ACAD10: variants seen among roughly 807,000 people sequenced by gnomAD.
The protein encoded by ACAD10 is acyl-CoA dehydrogenase family member 10, also known as ACAD-10.
In ACAD10, 112 loss-of-function variants were observed where a neutral mutation model predicts 116.8. The observed-to-expected ratio is 0.96, with a 90% CI of 0.82 to 1.12. ACAD10 has a LOEUF of 1.12. Among genes scored for constraint, ACAD10 ranks in the 50% most tolerant of loss-of-function variants. The pLI is 0.00. For synonymous variants in ACAD10, 486 were observed against 510.6 expected, an observed-to-expected ratio of 0.95 and a Z score of 0.65; for missense variants, 1,259 against 1,350.2, an observed-to-expected ratio of 0.93 and a Z score of 1.06.
chr12:111,698,386 G>A (rs781578474), intron 2 of ACAD10, among the ~76,000 whole-genome samples: 24 of 136,820 alleles, frequency 1.8e-4, no homozygotes, highest in East Asian at 1.3e-3. Context: ...TGATTCTCCC[G>A]CCTCCTGAGT....
intron 6 of ACAD10, 182 bp from the exon 7 acceptor site, chr12:111,715,639 G>T: frequency 1.5e-6 from 1 of 667,450 alleles, no homozygotes. Flanking sequence ...GACCTGAGTT[G>T]GCGGAGTGTA....
At chr12:111,748,170 G>A in intron 16 of ACAD10, 147 bp from the exon 17 acceptor site, 1 of 987,282 alleles carries the variant, frequency 1.0e-6, no homozygotes, top group Non-Finnish European at 1.5e-6. Context: ...CTGGTCAGCA[G>A]TCTGCAGATG....
Position 111,729,945 on chromosome 12 carries a change from C to T in ACAD10, c.1383C>T (p.His461=), listed in dbSNP as rs370489200. The change falls in exon 10 of 21, where the codon CAC becomes CAT. Residue 461 remains histidine, a synonymous_variant. Transcript: ENST00000313698. ...LPRQQRTTVV[H]GDFRLDNLVF... ...GTCAGCAGAGGACCACAGTGGTGCACGGGGACTTCAGGTAGATGTGGTGGC... is the reference window on the plus strand; with the variant it reads ...GTCAGCAGAGGACCACAGTGGTGCATGGGGACTTCAGGTAGATGTGGTGGC... 1.3e-4 allele frequency: 205 copies of T among 1,613,656 alleles called. No individual in the cohort carries two copies. The highest frequency in any genetic ancestry group is 3.7e-4 in the Admixed American group (22 of 59,944).
intron 12 of ACAD10, among the ~76,000 whole-genome samples, chr12:111,740,764 C>A (rs1205273473): frequency 8.7e-6 from 1 of 114,736 alleles, no homozygotes; most frequent in Non-Finnish European, 1.6e-5. Flanking sequence ...AGCCTGGTGA[C>A]AGAGCGAGAC....
intron 15 of ACAD10, 22 bp from the exon 16 acceptor site, chr12:111,747,273 C>G (rs903296373): frequency 1.9e-6 from 3 of 1,613,986 alleles, no homozygotes; most frequent in Non-Finnish European, 2.5e-6. Flanking sequence ...GCGTCTCTGA[C>G]TGGAATATGC....
intron 2 of ACAD10, among the ~76,000 whole-genome samples, chr12:111,697,043 T>G (rs1888207360): frequency 6.7e-6 from 1 of 149,796 alleles, no homozygotes; most frequent in Non-Finnish European, 1.5e-5. Context: ...ATGGCACCAC[T>G]GCACTCCAAC....
chr12:111,715,461 G>C (rs777102573), intron 6 of ACAD10: 5 of 253,698 alleles, frequency 2.0e-5, no homozygotes, highest in Non-Finnish European at 3.1e-5. Flanking sequence ...CATTTGGCAA[G>C]ATGGGTTGCC....
intron 1 of ACAD10, chr12:111,690,339 T>G (rs1271592013): frequency 6.6e-6 from 1 of 152,198 alleles, no homozygotes; most frequent in Non-Finnish European, 1.5e-5. Context: ...TTATACAATA[T>G]TTTAAATAAT....
chr12:111,756,937 C>T lies in ACAD10; in HGVS notation c.*464C>T. The T allele has an allele frequency of 2.2e-6, 1 of 452,830 alleles. No homozygotes were observed. Among genetic ancestry groups the T allele is most frequent in the Non-Finnish European group, 4.4e-6 (1 of 224,892 alleles). The allele number at this position is 452,830 out of a possible 1,614,324, so 28.1% of individuals were successfully genotyped here. A position where few individuals can be genotyped will look rare whatever the true frequency, so the allele number is the denominator to read the frequency against. On this transcript the variant is annotated 3_prime_UTR_variant, in exon 21 of 21. Coordinates refer to ENST00000313698, the MANE Select transcript of ACAD10 (RefSeq NM_025247.6). ...GCCACGGCGGGCGGTGGCCTAGAGA[C>T]CCAGGACCTGGGCGCCTGGGAAAAT...
At chr12:111,709,979 A>T in intron 5 of ACAD10, 1 of 369,426 alleles carries the variant, frequency 2.7e-6, no homozygotes, top group South Asian at 2.6e-5. Context: ...TGATCCAGTG[A>T]TGCTGCCTTA....
At chr12:111,740,287 C>T (rs1051640000) in intron 12 of ACAD10, among the ~76,000 whole-genome samples, 3 of 152,074 alleles carry the variant, frequency 2.0e-5, no homozygotes, top group African/African-American at 7.2e-5. Context: ...CATGGTGAAA[C>T]CCCGTCTCCA....
At chr12:111,753,404 C>T (rs974350624) in intron 18 of ACAD10, 49 of 441,922 alleles carry the variant, frequency 1.1e-4, no homozygotes, top group Admixed American at 1.7e-4. Context: ...CAGTCACTCC[C>T]TCATTCCCAG....
intron 18 of ACAD10, among the ~76,000 whole-genome samples, chr12:111,750,025 G>C (rs1264705270): frequency 6.6e-6 from 1 of 150,976 alleles, no homozygotes; most frequent in African/African-American, 2.4e-5. Flanking sequence ...TGCCCGCCTC[G>C]GGCTCCCAAA....
At position 111,746,288 on chromosome 12, in the gene ACAD10, CCTT is replaced by C. The variant is rs746006874; in HGVS notation, c.2256+8_2256+10del. The C allele has an allele frequency of 4.4e-6, 7 of 1,609,154 alleles. No individual in the cohort carries two copies. The African/African-American group carries it at 9.4e-5, about 22-fold the overall frequency. ...CACGTCCCTGTATGCCCCCGAGGTA[CCTT>C]CTTTAAAGTTTTCCTCAGTGTGTGG... On this transcript the variant is annotated splice_donor_5th_base_variant and intron_variant, in intron 14 of 20. Transcript: ENST00000313698.
At chr12:111,691,535 T>C (rs1020739270) in intron 1 of ACAD10, among the ~76,000 whole-genome samples, 2 of 151,814 alleles carry the variant, frequency 1.3e-5, no homozygotes. Flanking sequence ...TAGATGTGTA[T>C]GTCCAGATCA....
intron 11 of ACAD10, among the ~76,000 whole-genome samples, chr12:111,734,599 G>A (rs1755191982): frequency 6.6e-6 from 1 of 152,076 alleles, no homozygotes. Flanking sequence ...ACTCCAGCCT[G>A]GGCAACAGGG....
At position 111,736,850 on chromosome 12, in the gene ACAD10, GA is replaced by G. The variant is rs1889580117; in HGVS notation, c.1561del (p.Thr521HisfsTer65). On this transcript the variant is annotated frameshift_variant, in exon 12 of 21. Transcript: ENST00000313698. LOFTEE classifies it high-confidence loss of function. ...TCGCAGGTATTAATGACTGTGACTT[GA>G]CACAGCTGGGAATCCCTGCTGCAGA... ...VLRGINDCDL[T>X]QLGIPAAEEY... 1.2e-6 allele frequency: 2 copies of G among 1,613,806 alleles called. No individual in the cohort carries two copies. The highest frequency in any genetic ancestry group is 1.7e-6 in the Non-Finnish European group (2 of 1,179,832).
At chr12:111,687,716 T>C (rs1275338955) in intron 1 of ACAD10, among the ~76,000 whole-genome samples, 1 of 152,206 alleles carries the variant, frequency 6.6e-6, no homozygotes. Context: ...ATGAAACTGG[T>C]ACTATGTCCC....
chr12:111,756,468 A>T lies in ACAD10; in HGVS notation c.3175A>T (p.Ile1059Phe), dbSNP rs776745377. 2 of 1,612,310 alleles carry T rather than the reference A, an allele frequency of 1.2e-6. No homozygotes were observed. The highest frequency in any genetic ancestry group is 2.2e-5 in the South Asian group (2 of 90,912). Residue 1059 changes from isoleucine to phenylalanine, a missense_variant, in exon 21 of 21, where the codon ATT (isoleucine) becomes TTT (phenylalanine). Transcript: ENST00000313698. ...TVAKLELKHR[I>F] The stretch of plus-strand genomic sequence containing the variant: ...GGCCAAGCTAGAGCTGAAGCACCGC[A>T]TTTAGAGCCTTGGGGCTGCAGTGGC...
Sources: allele counts gnomAD v4.1 joint callset (sites outside exome capture counted in the v4.1 genomes callset), GRCh38; gene constraint gnomAD v4.1.1; transcripts MANE v1.5; gene names NCBI Gene and HGNC (gene_info 2026-07-23, HGNC 2026-07-21).